Variants in TRMT112 observed in about 807,000 individuals in gnomAD.
TRMT112 encodes the protein tRNA methyltransferase activator subunit 11-2, also known as multifunctional methyltransferase subunit TRM112-like protein.
Under a neutral mutation model 13.8 loss-of-function variants are expected in TRMT112, and 9 were observed. The observed-to-expected ratio is 0.65, with a 90% CI of 0.39 to 1.14. The LOEUF is 1.14. TRMT112 is among the 50% of genes most tolerant of loss of function. The pLI is 0.01. For missense variants in TRMT112, 196 were observed against 165.5 expected (o/e 1.18, Z -1.01); for synonymous variants, 64 against 67.0 (o/e 0.96, Z 0.22).
chr11:64,316,714 GA>G lies in TRMT112; in HGVS notation c.*146del, dbSNP rs567342412. 11 of 631,764 alleles carry G rather than the reference GA, an allele frequency of 1.7e-5. No homozygotes were observed. The highest frequency in any genetic ancestry group is 5.8e-5 in the Admixed American group (2 of 34,238). 39.1% of individuals were successfully genotyped at this position (631,764 alleles called of 1,614,324 possible). On this transcript the variant is annotated 3_prime_UTR_variant, in exon 4 of 4. Coordinates refer to ENST00000544844, the MANE Select transcript of TRMT112 (RefSeq NM_016404.3). Reference sequence around the variant, plus strand: ...GCTTTTGGTTTTAAACCTTTAATGAGAAAAAAATATATAATACCGAGCTCAA... The same window carrying G: ...GCTTTTGGTTTTAAACCTTTAATGAGAAAAAATATATAATACCGAGCTCAA...
At chr11:64,317,220 C>T in intron 2 of TRMT112, 44 bp downstream of exon 2, 1 of 1,608,810 alleles carries the variant, frequency 6.2e-7, no homozygotes, top group Non-Finnish European at 8.5e-7. Context: ...GTGTGCCCGC[C>T]CCGCATTCCC....
chr11:64,317,074 T>C lies in TRMT112; in HGVS notation c.254A>G (p.His85Arg). 6.2e-7 allele frequency: 1 copy of C among 1,614,092 alleles called. No homozygotes were observed. Among genetic ancestry groups the C allele is most frequent in the Non-Finnish European group, 8.5e-7 (1 of 1,179,994 alleles). The change falls in exon 3 of 4, where the codon CAC becomes CGC. Residue 85 changes from histidine to arginine, a missense_variant. Transcript: ENST00000544844. The part of the protein sequence containing the change: ...EENEEFLRTM[H>R]HLLLEVEVIE... ...GCTTCTCACCTCCAGCAGCAGGTGG[T>C]GCATGGTCCTCAGAAACTCCTCATT...
upstream of TRMT112, chr11:64,317,640 C>A (rs2035339245): frequency 4.2e-6 from 5 of 1,188,760 alleles, no homozygotes; most frequent in Non-Finnish European, 5.8e-6. Flanking sequence ...CCGGAAGTGG[C>A]GAACTTGCTG....
chr11:64,317,640 C>T, upstream of TRMT112: 6 of 1,188,874 alleles, frequency 5.0e-6, no homozygotes, highest in South Asian at 1.6e-5. Flanking sequence ...CCGGAAGTGG[C>T]GAACTTGCTG....
Position 64,316,784 on chromosome 11 carries a change from C to T in TRMT112, c.*77G>A, listed in dbSNP as rs2035283640. The T allele has an allele frequency of 7.4e-6, 7 of 945,428 alleles. No homozygotes were observed. Among genetic ancestry groups the T allele is most frequent in the Non-Finnish European group, 1.0e-5 (6 of 576,048 alleles). 58.6% of individuals were successfully genotyped at this position (945,428 alleles called of 1,614,324 possible). ...CATTGGGTCAAGGGTTGGGGATACA[C>T]ACGGCAGAATTCGGAAACAGGGTAT... On this transcript the variant is annotated 3_prime_UTR_variant, in exon 4 of 4. Coordinates refer to ENST00000544844, the MANE Select transcript of TRMT112 (RefSeq NM_016404.3).
rs1167625498 is a variant in TRMT112, at chr11:64,317,234, G to C, written c.180+30C>G. On this transcript the variant is annotated intron_variant, in intron 2 of 3. Coordinates refer to ENST00000544844, the MANE Select transcript of TRMT112 (RefSeq NM_016404.3). ...GGTGTGCCCGCCCCGCATTCCCCGG[G>C]ATATGCTGGGGCGGGGTAAGGATCC... 6 of 1,607,950 alleles carry C rather than the reference G, an allele frequency of 3.7e-6. No homozygotes were observed. In the African/African-American group the frequency reaches 6.7e-5, roughly 18 times the overall value.
At position 64,317,364 on chromosome 11, in the gene TRMT112, G is replaced by A; in HGVS notation, c.80C>T (p.Ala27Val). 6.2e-7 allele frequency: 1 copy of A among 1,614,146 alleles called. No individual in the cohort carries two copies. Among genetic ancestry groups the A allele is most frequent in the Non-Finnish European group, 8.5e-7 (1 of 1,180,008 alleles). Reference protein sequence around the residue: ...GSRGFPLRLQATEVRICPVEF... With the variant: ...GSRGFPLRLQVTEVRICPVEF... ...CACAGGGCAGATACGGACCTCGGTG[G>A]CCTGCAGGGCGGAGGAGTTTAGGCA... is the stretch of plus-strand genomic sequence containing the variant. Residue 27 changes from alanine (A) to valine (V), a missense_variant and splice_region_variant, in exon 2 of 4, where the codon GCC (alanine) becomes GTC (valine). Coordinates refer to ENST00000544844, the MANE Select transcript of TRMT112 (RefSeq NM_016404.3).
upstream of TRMT112, chr11:64,318,407 G>T (rs764078661): frequency 6.3e-7 from 1 of 1,591,512 alleles, no homozygotes. Flanking sequence ...GCCCGGCCGG[G>T]CCTGACATCC....
chr11:64,318,262 T>C (rs2035368418), upstream of TRMT112: 1 of 1,612,338 alleles, frequency 6.2e-7, no homozygotes, highest in Non-Finnish European at 8.5e-7. Context: ...GCGGGCTATA[T>C]ACTCGTCGGT....
upstream of TRMT112, chr11:64,318,130 G>A (rs1591252745): frequency 6.4e-7 from 1 of 1,561,856 alleles, no homozygotes. Flanking sequence ...CCTTCCGCAG[G>A]GTGTCGCCGC....
At position 64,317,533 on chromosome 11, in the gene TRMT112, G is replaced by T. The variant is rs1030379288; in HGVS notation, c.-7C>A. The T allele has an allele frequency of 6.4e-7, 1 of 1,554,458 alleles. No individual in the cohort carries two copies. Among genetic ancestry groups the T allele is most frequent in the Non-Finnish European group, 8.7e-7 (1 of 1,143,908 alleles). On this transcript the variant is annotated 5_prime_UTR_variant, in exon 1 of 4. Transcript: ENST00000544844. ...TGTGGGTAAGCAGTTTCATGTCGCCGCACAAACTCTCGCCAGGCCGGAACC... is the reference window on the plus strand; with the variant it reads ...TGTGGGTAAGCAGTTTCATGTCGCCTCACAAACTCTCGCCAGGCCGGAACC...
upstream of TRMT112, chr11:64,318,022 C>T: frequency 7.1e-7 from 1 of 1,414,294 alleles, no homozygotes; most frequent in African/African-American, 1.5e-5. Context: ...GTAGTTGCGT[C>T]GGCTGTCCAG....
chr11:64,316,765 G>T lies in TRMT112; in HGVS notation c.*96C>A. ...AAAACACTGTGTTTGGTGTCATTGGGTCAAGGGTTGGGGATACACACGGCA... is the reference window on the plus strand; with the variant it reads ...AAAACACTGTGTTTGGTGTCATTGGTTCAAGGGTTGGGGATACACACGGCA... On this transcript the variant is annotated 3_prime_UTR_variant, in exon 4 of 4. Coordinates refer to ENST00000544844, the MANE Select transcript of TRMT112 (RefSeq NM_016404.3). The T allele has an allele frequency of 1.2e-6, 1 of 814,532 alleles. No homozygotes were observed. The allele number at this position is 814,532 out of a possible 1,614,324, so 50.5% of individuals were successfully genotyped here.
At chr11:64,317,921 C>A (rs2035349887), upstream of TRMT112, 1 of 1,370,092 alleles carries the variant, frequency 7.3e-7, no homozygotes, top group Admixed American at 3.5e-5. Flanking sequence ...GAAATACCGC[C>A]CTATCTGTAA....
upstream of TRMT112, chr11:64,318,229 G>A (rs754924766): frequency 1.2e-6 from 2 of 1,611,696 alleles, no homozygotes; most frequent in African/African-American, 1.3e-5. Context: ...GGACTAGCTG[G>A]CGTGTGCGCC....
rs140861721 is a variant in TRMT112, at chr11:64,316,949, G to C, written c.290C>G (p.Thr97Ser). The C allele has an allele frequency of 4.9e-5, 79 of 1,612,950 alleles. No homozygotes were observed. The highest frequency in any genetic ancestry group is 5.5e-5 in the Non-Finnish European group (65 of 1,179,068). ...ACGTCCAGATTCCGGGCACTGCAGG[G>C]TGCCCTCTATCACTTCCACCTGCGG... ...LLLEVEVIEGTLQCPESGRMF... is the reference protein window; with the variant it reads ...LLLEVEVIEGSLQCPESGRMF... The change falls in exon 4 of 4, where the codon ACC becomes AGC. Residue 97 changes from threonine (T) to serine (S), a missense_variant. By Grantham distance (58) the Thr-to-Ser change is moderately conservative. Coordinates refer to ENST00000544844, the MANE Select transcript of TRMT112 (RefSeq NM_016404.3).
rs1417042668 is a variant in TRMT112, at chr11:64,317,160, G to A, written c.181-13C>T. The A allele has an allele frequency of 2.5e-6, 4 of 1,613,828 alleles. No individual in the cohort carries two copies. Among genetic ancestry groups the A allele is most frequent in the South Asian group, 2.2e-5 (2 of 91,072 alleles). On this transcript the variant is annotated splice_polypyrimidine_tract_variant and intron_variant, in intron 2 of 3. Transcript: ENST00000544844. The stretch of plus-strand genomic sequence containing the variant: ...GGATCAGACGCAACTGTGGGCAAGA[G>A]GCCAAAATTATCTCCGGGCATCCCG...
At chr11:64,317,024 T>C (rs554977202) in intron 3 of TRMT112, 34 bp downstream of exon 3, 2 of 1,613,556 alleles carry the variant, frequency 1.2e-6, no homozygotes, top group Admixed American at 1.7e-5. Context: ...GGGAGGCAGG[T>C]GGCCCGGGAA....
chr11:64,316,641 G>A lies in TRMT112; in HGVS notation c.*220C>T, dbSNP rs679730. ...GGCAAGCCAGGGCCCAGAGCCCTTG[G>A]CTGTACAGAGACTCTATTTTAATGT... On this transcript the variant is annotated 3_prime_UTR_variant, in exon 4 of 4. Transcript: ENST00000544844. The A allele has an allele frequency of 7.4e-6, 4 of 543,992 alleles. No individual in the cohort carries two copies. The African/African-American group carries it at 7.6e-5, about 10-fold the overall frequency. The allele number at this position is 543,992 out of a possible 1,614,324, so 33.7% of individuals were successfully genotyped here.
Sources: allele counts gnomAD v4.1 joint callset, GRCh38; gene constraint gnomAD v4.1.1; transcripts MANE v1.5; gene names NCBI Gene and HGNC (gene_info 2026-07-23, HGNC 2026-07-21).